The following DOCK1 variants were observed in gnomAD, a reference collection of about 807,000 sequenced individuals.
DOCK1 encodes the protein dedicator of cytokinesis 1.
A neutral mutation model predicts 262.7 loss-of-function variants in DOCK1; 138 were observed. That is an observed-to-expected ratio of 0.53 (90% confidence interval 0.46 to 0.61). The LOEUF is 0.61. DOCK1 is among the 20% of genes least tolerant of loss of function. The pLI is 0.00. For missense variants in DOCK1, 1,908 were observed against 2,370.7 expected (o/e 0.80, Z 4.05); for synonymous variants, 866 against 867.4 (o/e 1.00, Z 0.03).
intron 6 of DOCK1, among the ~76,000 whole-genome samples, chr10:126,996,367 C>T (rs552407249): frequency 3.2e-4 from 32 of 99,116 alleles, no homozygotes; most frequent in African/African-American, 6.8e-4. Flanking sequence ...GCAACAAGAA[C>T]GAGACTGTCT....
rs148204002 is a variant in DOCK1 at position 127,020,752 on chromosome 10, G to A, written c.1327+1917G>A. Among the ~76,000 whole-genome samples, 9 of 152,192 alleles carry A rather than the reference G, an allele frequency of 5.9e-5. No individual in the cohort carries two copies. The East Asian group carries it at 9.7e-4, about 16-fold the overall frequency. On this transcript the variant is annotated intron_variant, in intron 13 of 51. Coordinates refer to ENST00000623213, the MANE Select transcript of DOCK1 (RefSeq NM_001290223.2). ...TCTGTTGGCCGAGTAATCACTGGCC[G>A]CGCTGTGGGCACCAGAGAGAGAGAG... is the stretch of plus-strand genomic sequence containing the variant.
At position 127,452,512 on chromosome 10, in the gene DOCK1, A is replaced by G. The variant is rs2071027004; in HGVS notation, c.*1085A>G. 6.5e-6 allele frequency: 1 copy of G among 152,676 alleles called. No individual in the cohort carries two copies. The highest frequency in any genetic ancestry group is 6.5e-5 in the Admixed American group (1 of 15,288). 9.5% of individuals were successfully genotyped at this position (152,676 alleles called of 1,614,324 possible). A position where few individuals can be genotyped will look rare whatever the true frequency, so the allele number is the denominator to read the frequency against. On this transcript the variant is annotated 3_prime_UTR_variant, in exon 52 of 52. Transcript: ENST00000623213. ...CAACGAAAAATAAAATGTTATTTTA[A>G]AAGACTCACAGTGTCTGACCAATTA...
intron 27 of DOCK1, among the ~76,000 whole-genome samples, chr10:127,203,993 A>G (rs1289817432): frequency 4.0e-5 from 6 of 151,604 alleles, no homozygotes; most frequent in Admixed American, 6.6e-5. Context: ...TCCAGTGTCC[A>G]TAGTTTAAAG....
intron 29 of DOCK1, among the ~76,000 whole-genome samples, chr10:127,278,725 A>G (rs972913430): frequency 6.6e-6 from 1 of 152,224 alleles, no homozygotes; most frequent in Non-Finnish European, 1.5e-5. Context: ...TTCTTCAAAA[A>G]GATGTGTTGT....
intron 25 of DOCK1, among the ~76,000 whole-genome samples, chr10:127,124,408 T>C (rs1006877817): frequency 1.3e-5 from 2 of 152,184 alleles, no homozygotes; most frequent in African/African-American, 2.4e-5. Flanking sequence ...AGAACTGGTG[T>C]TGTAAATAGA....
At chr10:126,979,798 G>A (rs1472185796) in intron 3 of DOCK1, among the ~76,000 whole-genome samples, 1 of 152,164 alleles carries the variant, frequency 6.6e-6, no homozygotes, top group Non-Finnish European at 1.5e-5. Flanking sequence ...TAGCAGAAAA[G>A]GGATGTGGGC....
intron 24 of DOCK1, 70 bp downstream of exon 24, chr10:127,106,371 A>G (rs2048532388): frequency 4.0e-6 from 6 of 1,515,292 alleles, no homozygotes; most frequent in South Asian, 1.2e-5. Flanking sequence ...TGCTTAGTTT[A>G]TGGGATGCTC....
chr10:127,159,888 C>G (rs1006001822), intron 27 of DOCK1, among the ~76,000 whole-genome samples: 1 of 152,060 alleles, frequency 6.6e-6, no homozygotes, highest in African/African-American at 2.4e-5. Flanking sequence ...GAGCAGGGCA[C>G]GGGAGGGCTG....
intron 13 of DOCK1, among the ~76,000 whole-genome samples, chr10:127,020,864 G>A (rs1042537088): frequency 1.3e-5 from 2 of 152,258 alleles, no homozygotes; most frequent in South Asian, 2.1e-4. Flanking sequence ...GCAGGGATGC[G>A]CGTCTTCTTT....
intron 27 of DOCK1, among the ~76,000 whole-genome samples, chr10:127,218,470 T>A (rs1043945355): frequency 1.3e-5 from 2 of 152,178 alleles, no homozygotes; most frequent in African/African-American, 4.8e-5. Context: ...AGAACAGAAG[T>A]TTTCCGACTC....
chr10:127,017,056 CACAG>C (rs2042004704), intron 12 of DOCK1, among the ~76,000 whole-genome samples: 7 of 133,240 alleles, frequency 5.3e-5, no homozygotes, highest in East Asian at 2.2e-4. Flanking sequence ...CACACACACA[CACAG>C]ATGCAGACAC....
chr10:127,451,634 T>G lies in DOCK1; in HGVS notation c.*207T>G. ...GCAAGGTGGGTCTGGGAGGTAGATA[T>G]GGGTCCGGGATGTGCTATCGTAGTT... On this transcript the variant is annotated 3_prime_UTR_variant, in exon 52 of 52. Coordinates refer to ENST00000623213, the MANE Select transcript of DOCK1 (RefSeq NM_001290223.2). The G allele has an allele frequency of 1.6e-6, 2 of 1,258,690 alleles. No homozygotes were observed. The highest frequency in any genetic ancestry group is 3.1e-5 in the South Asian group (2 of 64,598). The allele number at this position is 1,258,690 out of a possible 1,614,324, so 78.0% of individuals were successfully genotyped here.
intron 30 of DOCK1, among the ~76,000 whole-genome samples, chr10:127,339,627 G>GTGTGTGTT (rs758298413): frequency 1.5e-5 from 2 of 132,798 alleles, no homozygotes; most frequent in Non-Finnish European, 3.2e-5. Context: ...GTGTGTGTTT[G>GTGTGTGTT]TGTGTGTGTG....
chr10:126,993,379 G>A (rs2039950412), intron 6 of DOCK1, among the ~76,000 whole-genome samples: 1 of 152,114 alleles, frequency 6.6e-6, no homozygotes, highest in African/African-American at 2.4e-5. Context: ...CAGTAGTACT[G>A]ACTCTATCCA....
rs573363011 is a variant in DOCK1 at position 127,079,013 on chromosome 10, C to G, written c.2445+17237C>G. Among the ~76,000 whole-genome samples the G allele has an allele frequency of 4.5e-4, 69 of 152,226 alleles. 1 individual carries two copies. Among genetic ancestry groups the G allele is most frequent in the Admixed American group, 3.9e-3 (60 of 15,294 alleles). ...TTGCTTTTTGTTTGTTTAATAATCC[C>G]TTTATAAAACAGCTGAATTATAAAT... On this transcript the variant is annotated intron_variant, in intron 23 of 51. Transcript: ENST00000623213.
chr10:126,932,056 G>A (rs1339157235), intron 1 of DOCK1, among the ~76,000 whole-genome samples: 1 of 152,170 alleles, frequency 6.6e-6, no homozygotes, highest in Non-Finnish European at 1.5e-5. Flanking sequence ...CTCCTGAGAT[G>A]CTACGTATTG....
At chr10:127,419,062 C>A (rs1383528358) in intron 45 of DOCK1, among the ~76,000 whole-genome samples, 1 of 152,172 alleles carries the variant, frequency 6.6e-6, no homozygotes, top group South Asian at 2.1e-4. Context: ...CACTTACTTA[C>A]GCCTGAGGCT....
intron 27 of DOCK1, among the ~76,000 whole-genome samples, chr10:127,138,270 G>T (rs1274969224): frequency 2.6e-5 from 4 of 152,224 alleles, no homozygotes; most frequent in African/African-American, 9.6e-5. Context: ...AATGTGCACA[G>T]TTGGTGTATG....
chr10:126,951,682 G>A (rs1293053168), intron 1 of DOCK1, among the ~76,000 whole-genome samples: 2 of 151,812 alleles, frequency 1.3e-5, no homozygotes, highest in African/African-American at 2.4e-5. Context: ...AGTAAGTATT[G>A]TTGTTGGTAT....
Sources: allele counts gnomAD v4.1 joint callset (sites outside exome capture counted in the v4.1 genomes callset), GRCh38; gene constraint gnomAD v4.1.1; transcripts MANE v1.5; gene names NCBI Gene and HGNC (gene_info 2026-07-23, HGNC 2026-07-21).